Variants in HNRNPH1 observed in about 807,000 individuals in gnomAD.
HNRNPH1 encodes the protein heterogeneous nuclear ribonucleoprotein H.
Under a neutral mutation model 58.6 loss-of-function variants are expected in HNRNPH1, and 4 were observed. The observed-to-expected ratio is 0.07, with a 90% CI of 0.03 to 0.16. The LOEUF (loss-of-function observed/expected upper bound fraction) is 0.16. HNRNPH1 is among the 10% of genes least tolerant of loss of function. The pLI is 1.00. For missense variants in HNRNPH1, 271 were observed against 564.2 expected, an observed-to-expected ratio of 0.48 and a Z score of 5.26; for synonymous variants, 192 against 189.2, an observed-to-expected ratio of 1.01 and a Z score of -0.12.
chr5:179,617,938 T>C lies in HNRNPH1; in HGVS notation c.788-6A>G, dbSNP rs1770580705. ...TGAAAAACAGTAATTGAGGTCTAGA[T>C]GGACAAGAGTGTAAGCATCCTTCAA... On this transcript the variant is annotated splice_polypyrimidine_tract_variant and splice_region_variant and intron_variant, in intron 6 of 12. Transcript: ENST00000356731. The C allele has an allele frequency of 6.2e-7, 1 of 1,614,138 alleles. No homozygotes were observed. The highest frequency in any genetic ancestry group is 1.1e-5 in the South Asian group (1 of 91,086).
At chr5:179,615,624 A>G (rs1769149928) in intron 11 of HNRNPH1, 29 bp from the exon 13 acceptor site, 2 of 1,268,274 alleles carry the variant, frequency 1.6e-6, no homozygotes, top group Non-Finnish European at 2.3e-6. Context: ...GGGTAAGACT[A>G]TAATACCAAA....
At chr5:179,626,399 T>G (rs1027077208), upstream of HNRNPH1, among the ~76,000 whole-genome samples, 18 of 150,886 alleles carry the variant, frequency 1.2e-4, no homozygotes, top group Admixed American at 1.1e-3. Context: ...GCCACCATGC[T>G]CGGCCAAAGG....
chr5:179,622,994 C>T, intron 1 of HNRNPH1, 43 bp downstream of exon 2: 1 of 869,056 alleles, frequency 1.2e-6, no homozygotes, highest in Non-Finnish European at 1.6e-6. Context: ...GCCCGCCCGC[C>T]CCGGCCTCGA....
intron 8 of HNRNPH1, 180 bp downstream of exon 9, chr5:179,617,334 A>C: frequency 1.3e-6 from 1 of 768,288 alleles, no homozygotes. Flanking sequence ...TGCATATCAC[A>C]AATCCGTTAT....
At chr5:179,618,346 G>C in intron 4 of HNRNPH1, 23 bp from the exon 6 acceptor site, 3 of 1,526,720 alleles carry the variant, frequency 2.0e-6, no homozygotes, top group Non-Finnish European at 2.7e-6. Flanking sequence ...TCATAAGGAA[G>C]GGGTAGGGAG....
At chr5:179,617,404 T>G in intron 8 of HNRNPH1, 110 bp downstream of exon 9, 1 of 1,263,018 alleles carries the variant, frequency 7.9e-7, no homozygotes, top group East Asian at 2.3e-5. Context: ...AGAATTAATC[T>G]ATTACTGGAG....
At chr5:179,619,462 C>A in intron 3 of HNRNPH1, 55 bp from the exon 5 acceptor site, 3 of 1,510,814 alleles carry the variant, frequency 2.0e-6, no homozygotes, top group South Asian at 1.2e-5. Flanking sequence ...CATCACAAGC[C>A]CAGAAATGAT....
chr5:179,624,689 C>T (rs915870256), upstream of HNRNPH1: 14 of 397,956 alleles, frequency 3.5e-5, no homozygotes, highest in African/African-American at 2.3e-4. Flanking sequence ...CCTAAGATGC[C>T]GTAGCCTCCC....
rs199791763 is a variant in HNRNPH1, at chr5:179,631,742, CA to C, written c.-32+2322del. 3.2e-4 allele frequency among the ~76,000 whole-genome samples: 47 copies of C among 148,554 alleles called. 1 individual carries two copies. The East Asian group carries it at 7.1e-3, about 22-fold the overall frequency. On this transcript the variant is annotated intron_variant, in intron 2 of 4. Transcript: ENST00000521116. ...AGCCTGGGCAACAAGAGCAAGACCT[CA>C]AAAAAAAAAATTTTTTTTTTAAATA...
chr5:179,620,442 C>T (rs1771798254), intron 3 of HNRNPH1, among the ~76,000 whole-genome samples: 1 of 152,202 alleles, frequency 6.6e-6, no homozygotes, highest in Admixed American at 6.5e-5. Context: ...CATAAACCGA[C>T]TTTTGCATTA....
At chr5:179,623,123 C>T (rs1773512786) in exon 1 of HNRNPH1, 1 of 1,606,074 alleles carries the variant, frequency 6.2e-7, no homozygotes, top group Non-Finnish European at 8.5e-7. Context: ...ACCTTCCGTG[C>T]CCAACATCAT....
At chr5:179,632,372 C>A (rs1160680659) in intron 2 of HNRNPH1, among the ~76,000 whole-genome samples, 2 of 152,238 alleles carry the variant, frequency 1.3e-5, no homozygotes, top group African/African-American at 2.4e-5. Flanking sequence ...GGTAGCACCC[C>A]CTCCCCCGCC....
At chr5:179,616,241 G>T (rs577462212) in intron 10 of HNRNPH1, 23 bp from the exon 12 acceptor site, 5 of 1,590,666 alleles carry the variant, frequency 3.1e-6, no homozygotes, top group African/African-American at 2.7e-5. Flanking sequence ...GAAAACATTA[G>T]AACCTTTTTT....
rs1426605276 is a variant in HNRNPH1 at position 179,616,857 on chromosome 5, A to T, written c.1207+12T>A. On this transcript the variant is annotated intron_variant, in intron 10 of 12. Coordinates refer to ENST00000356731, the Ensembl canonical transcript of HNRNPH1. The stretch of plus-strand genomic sequence containing the variant: ...AAACGTTTTGGTTTTTAAAAAAACT[A>T]ACGATATTTACACAAGCCCATGCCT... The T allele has an allele frequency of 6.2e-7, 1 of 1,609,488 alleles. No individual in the cohort carries two copies. The highest frequency in any genetic ancestry group is 1.7e-5 in the Admixed American group (1 of 59,788).
chr5:179,631,231 G>A (rs980234520), intron 2 of HNRNPH1, among the ~76,000 whole-genome samples: 1 of 152,092 alleles, frequency 6.6e-6, no homozygotes, highest in Non-Finnish European at 1.5e-5. Flanking sequence ...GTATATCTAT[G>A]TTATTAAAAT....
At chr5:179,620,250 T>A (rs1040201578) in intron 3 of HNRNPH1, among the ~76,000 whole-genome samples, 1 of 152,212 alleles carries the variant, frequency 6.6e-6, no homozygotes, top group African/African-American at 2.4e-5. Flanking sequence ...ATACGATATC[T>A]TATCTAACAT....
At chr5:179,618,179 G>C in exon 5 of HNRNPH1, 4 of 1,614,068 alleles carry the variant, frequency 2.5e-6, no homozygotes, top group Non-Finnish European at 3.4e-6. Flanking sequence ...TCCTCTCAAA[G>C]CCAGCTCCTC....
upstream of HNRNPH1, among the ~76,000 whole-genome samples, chr5:179,625,781 ATTTG>A (rs1369817531): frequency 6.0e-5 from 9 of 150,912 alleles, no homozygotes; most frequent in Non-Finnish European, 8.9e-5. Flanking sequence ...TTTATTTTTT[ATTTG>A]TTTGTTTGAG....
intron 2 of HNRNPH1, among the ~76,000 whole-genome samples, chr5:179,629,958 A>G (rs1774700268): frequency 6.7e-6 from 1 of 149,182 alleles, no homozygotes; most frequent in South Asian, 2.2e-4. Context: ...TGGGAGGCGG[A>G]GGTTGCAGTG....
Sources: gnomAD v4.1 joint callset for allele counts (sites outside exome capture counted in the v4.1 genomes callset) on GRCh38, gnomAD v4.1.1 for gene constraint, MANE v1.5 for transcripts, NCBI Gene and HGNC (gene_info 2026-07-23, HGNC 2026-07-21) for gene names.